Variants in C1orf21 observed in about 807,000 individuals in gnomAD.
The protein encoded by C1orf21 is chromosome 1 open reading frame 21.
C1orf21 carries 3 observed loss-of-function variants against 18.7 expected under a neutral mutation model. The observed-to-expected ratio is 0.16, with a 90% CI of 0.07 to 0.42. C1orf21 has a LOEUF of 0.42. C1orf21 is among the 10% of genes least tolerant of loss of function. C1orf21 has a pLI of 0.99. For synonymous variants in C1orf21, 41 were observed against 46.4 expected, an observed-to-expected ratio of 0.88 and a Z score of 0.47; for missense variants, 104 against 143.6, an observed-to-expected ratio of 0.72 and a Z score of 1.41.
At chr1:184,513,839 A>G (rs546167431) in intron 3 of C1orf21, among the ~76,000 whole-genome samples, 1 of 152,368 alleles carries the variant, frequency 6.6e-6, no homozygotes, top group Admixed American at 6.5e-5. Flanking sequence ...GCTTGGTGTT[A>G]AATTCTGTGC....
At chr1:184,521,340 A>T (rs928101402) in intron 3 of C1orf21, among the ~76,000 whole-genome samples, 1 of 152,216 alleles carries the variant, frequency 6.6e-6, no homozygotes, top group Non-Finnish European at 1.5e-5. Flanking sequence ...GAATGTTGGT[A>T]ACAGCTTTAT....
chr1:184,615,671 A>C (rs954810953), intron 5 of C1orf21, among the ~76,000 whole-genome samples: 1 of 152,236 alleles, frequency 6.6e-6, no homozygotes, highest in Non-Finnish European at 1.5e-5. Context: ...ACATGAAGTC[A>C]TGCTACAGAA....
intron 1 of C1orf21, among the ~76,000 whole-genome samples, chr1:184,400,967 A>G (rs922619185): frequency 7.9e-5 from 12 of 152,172 alleles, no homozygotes; most frequent in African/African-American, 2.9e-4. Context: ...TCCCACTAAC[A>G]AAATATGAGA....
At chr1:184,466,370 T>C (rs1307582663) in intron 1 of C1orf21, among the ~76,000 whole-genome samples, 1 of 152,200 alleles carries the variant, frequency 6.6e-6, no homozygotes, top group Non-Finnish European at 1.5e-5. Context: ...TACTGGTACA[T>C]GAGAAGGGAG....
intron 2 of C1orf21, among the ~76,000 whole-genome samples, chr1:184,483,588 ACTCT>A (rs1347607478): frequency 6.6e-6 from 1 of 151,698 alleles, no homozygotes; most frequent in Admixed American, 6.6e-5. Context: ...TATAAATCTC[ACTCT>A]CTCCTAGCAT....
intron 4 of C1orf21, 93 bp downstream of exon 4, chr1:184,590,908 T>C: frequency 2.5e-6 from 3 of 1,199,390 alleles, no homozygotes; most frequent in East Asian, 2.4e-5. Flanking sequence ...ATCAAAAATA[T>C]TCAAAAAATA....
intron 1 of C1orf21, among the ~76,000 whole-genome samples, chr1:184,392,439 A>G (rs142971857): frequency 6.6e-6 from 1 of 152,328 alleles, no homozygotes; most frequent in African/African-American, 2.4e-5. Context: ...AGGCTCCAAA[A>G]GATGGGAGGA....
chr1:184,541,419 C>T (rs1397360712), intron 3 of C1orf21, among the ~76,000 whole-genome samples: 1 of 152,174 alleles, frequency 6.6e-6, no homozygotes, highest in Non-Finnish European at 1.5e-5. Flanking sequence ...TTGACCTCGC[C>T]ATCTACCACA....
At chr1:184,481,091 G>A (rs925906881) in intron 2 of C1orf21, among the ~76,000 whole-genome samples, 6 of 152,060 alleles carry the variant, frequency 3.9e-5, no homozygotes, top group Non-Finnish European at 8.8e-5. Flanking sequence ...GAAGGTAAAG[G>A]TTATGATTGC....
intron 1 of C1orf21, 53 bp from the exon 2 acceptor site, chr1:184,477,332 CT>C: frequency 1.7e-6 from 1 of 583,240 alleles, no homozygotes; most frequent in Non-Finnish European, 3.0e-6. Flanking sequence ...CATAGTGAGG[CT>C]TGTGTTTTGC....
In C1orf21 at chr1:184,604,611, A is replaced by C. The variant is rs1351113550; in HGVS notation, c.327+6150A>C. Among the ~76,000 whole-genome samples the C allele has an allele frequency of 2.0e-5, 3 of 152,176 alleles. No individual in the cohort carries two copies. In the East Asian group the frequency reaches 5.8e-4, roughly 29 times the overall value. ...CTCATTCTTCAGCCAAATTAGAGCT[A>C]TAATTACAACAGGCAAGGATGTGAC... On this transcript the variant is annotated intron_variant, in intron 5 of 5. Transcript: ENST00000235307.
At chr1:184,617,904 GTTTTT>G (rs142357373) in intron 5 of C1orf21, among the ~76,000 whole-genome samples, 2 of 87,504 alleles carry the variant, frequency 2.3e-5, no homozygotes, top group Admixed American at 1.4e-4. Flanking sequence ...TGTTGTTGTT[GTTTTT>G]TTTTTTTTTT....
chr1:184,529,438 T>C (rs1356662649), intron 3 of C1orf21, among the ~76,000 whole-genome samples: 1 of 152,214 alleles, frequency 6.6e-6, no homozygotes, highest in East Asian at 1.9e-4. Context: ...AGAAGAACAA[T>C]CAAACTTCTT....
At chr1:184,400,989 C>T (rs946140788) in intron 1 of C1orf21, among the ~76,000 whole-genome samples, 1 of 152,040 alleles carries the variant, frequency 6.6e-6, no homozygotes, top group Non-Finnish European at 1.5e-5. Flanking sequence ...TGCCTCTTAC[C>T]CTAGAGCCTC....
At chr1:184,476,415 T>G (rs928226584) in intron 1 of C1orf21, among the ~76,000 whole-genome samples, 1 of 152,066 alleles carries the variant, frequency 6.6e-6, no homozygotes, top group African/African-American at 2.4e-5. Context: ...GGAGAGATGT[T>G]TCAAAAGAAA....
At chr1:184,470,848 C>T (rs1657484781) in intron 1 of C1orf21, among the ~76,000 whole-genome samples, 1 of 151,420 alleles carries the variant, frequency 6.6e-6, no homozygotes, top group Admixed American at 6.6e-5. Context: ...CACTGCACTC[C>T]AGCTTGGGCA....
chr1:184,489,105 T>C (rs1044603596), intron 2 of C1orf21, among the ~76,000 whole-genome samples: 1 of 152,192 alleles, frequency 6.6e-6, no homozygotes, highest in Non-Finnish European at 1.5e-5. Flanking sequence ...TAAACTGTGA[T>C]TATATAAAAT....
At chr1:184,592,781 G>A (rs1392407425) in intron 4 of C1orf21, among the ~76,000 whole-genome samples, 3 of 152,210 alleles carry the variant, frequency 2.0e-5, no homozygotes, top group Non-Finnish European at 4.4e-5. Flanking sequence ...CTCAGTGTCT[G>A]TGGAGTCGCT....
At chr1:184,532,481 A>C (rs939161284) in intron 3 of C1orf21, among the ~76,000 whole-genome samples, 4 of 152,186 alleles carry the variant, frequency 2.6e-5, no homozygotes, top group Non-Finnish European at 5.9e-5. Context: ...ATTATGGCTC[A>C]TGTCTGTAAT....
Sources: allele counts gnomAD v4.1 joint callset (sites outside exome capture counted in the v4.1 genomes callset), GRCh38; gene constraint gnomAD v4.1.1; transcripts MANE v1.5; gene names NCBI Gene and HGNC (gene_info 2026-07-23, HGNC 2026-07-21).